The following WDFY3 variants were observed in gnomAD, a reference collection of about 807,000 sequenced individuals.
The protein encoded by WDFY3 is WD repeat and FYVE domain containing 3.
In WDFY3, 66 loss-of-function variants were observed where a neutral mutation model predicts 409.6. The observed-to-expected ratio is 0.16, with a 90% CI of 0.13 to 0.20. WDFY3 has a LOEUF of 0.20. Among genes scored for constraint, WDFY3 ranks in the 10% least tolerant of loss-of-function variants. WDFY3 has a pLI of 1.00. For missense variants in WDFY3, 3,031 were observed against 4,298.1 expected, an observed-to-expected ratio of 0.71 and a Z score of 8.24; for synonymous variants, 1,521 against 1,537.1, an observed-to-expected ratio of 0.99 and a Z score of 0.25.
intron 2 of WDFY3, among the ~76,000 whole-genome samples, chr4:84,900,974 T>C (rs890129206): frequency 2.6e-5 from 4 of 152,240 alleles, no homozygotes; most frequent in African/African-American, 9.6e-5. Context: ...CTGAGAAATC[T>C]AAGATCAAGG....
chr4:84,782,910 C>A, intron 25 of WDFY3, 53 bp downstream of exon 25: 1 of 1,573,448 alleles, frequency 6.4e-7, no homozygotes, highest in Non-Finnish European at 8.7e-7. Flanking sequence ...AAAGTGAATG[C>A]AAACTTGATG....
intron 4 of WDFY3, among the ~76,000 whole-genome samples, chr4:84,855,959 GCCACTGTCC>G (rs1759708312): frequency 6.6e-6 from 1 of 152,250 alleles, no homozygotes; most frequent in Admixed American, 6.5e-5. Flanking sequence ...GCTGTGGCTT[GCCACTGTCC>G]AGTTCTGCCA....
intron 3 of WDFY3, among the ~76,000 whole-genome samples, chr4:84,862,778 G>A (rs1760829941): frequency 6.6e-6 from 1 of 152,024 alleles, no homozygotes; most frequent in African/African-American, 2.4e-5. Context: ...ACGAGGTCAG[G>A]GGATCGAGAC....
At chr4:84,700,497 C>T (rs907963796) in intron 56 of WDFY3, among the ~76,000 whole-genome samples, 1 of 152,198 alleles carries the variant, frequency 6.6e-6, no homozygotes, top group Admixed American at 6.5e-5. Flanking sequence ...AGCCACCATG[C>T]CTGGCCCAAC....
At chr4:84,862,569 A>T (rs1001040291) in intron 3 of WDFY3, among the ~76,000 whole-genome samples, 4 of 152,246 alleles carry the variant, frequency 2.6e-5, no homozygotes, top group African/African-American at 9.6e-5. Flanking sequence ...AAATTTTATA[A>T]ATTAGCTAAC....
At chr4:84,846,088 C>G (rs1219996840) in intron 5 of WDFY3, among the ~76,000 whole-genome samples, 1 of 152,038 alleles carries the variant, frequency 6.6e-6, no homozygotes, top group Non-Finnish European at 1.5e-5. Flanking sequence ...TGTGGGGACA[C>G]AGGATAGAAG....
intron 21 of WDFY3, among the ~76,000 whole-genome samples, chr4:84,790,212 TG>T (rs1384735749): frequency 6.6e-6 from 1 of 151,908 alleles, no homozygotes; most frequent in Non-Finnish European, 1.5e-5. Flanking sequence ...TAGCCAGGTA[TG>T]GTGGCGCGCG....
At chr4:84,878,310 A>G (rs987514277) in intron 3 of WDFY3, among the ~76,000 whole-genome samples, 3 of 152,208 alleles carry the variant, frequency 2.0e-5, no homozygotes, top group African/African-American at 7.2e-5. Flanking sequence ...CTAGTGTCAT[A>G]AGAAATCATG....
At chr4:84,907,358 T>G (rs941827021) in intron 2 of WDFY3, among the ~76,000 whole-genome samples, 2 of 152,194 alleles carry the variant, frequency 1.3e-5, no homozygotes, top group Non-Finnish European at 2.9e-5. Flanking sequence ...TCTCTCAGAT[T>G]ACTTGCCCTG....
chr4:84,677,961 CAAAAAA>C (rs986393073), intron 66 of WDFY3, among the ~76,000 whole-genome samples: 5 of 21,182 alleles, frequency 2.4e-4, no homozygotes, highest in South Asian at 1.7e-3. Flanking sequence ...GACCCTGTCT[CAAAAAA>C]AAAAAAAAAA....
chr4:84,750,211 T>G (rs902236518), intron 36 of WDFY3, among the ~76,000 whole-genome samples: 4 of 152,214 alleles, frequency 2.6e-5, no homozygotes, highest in African/African-American at 9.6e-5. Context: ...TAGAGCTTTT[T>G]AAAGTTTCCA....
At chr4:84,890,618 G>T (rs912303648) in intron 3 of WDFY3, among the ~76,000 whole-genome samples, 2 of 152,164 alleles carry the variant, frequency 1.3e-5, no homozygotes, top group African/African-American at 4.8e-5. Flanking sequence ...TCTGAACTGT[G>T]TGTGGCACTG....
chr4:84,885,332 G>A (rs1429204893), intron 3 of WDFY3, among the ~76,000 whole-genome samples: 4 of 46,194 alleles, frequency 8.7e-5, no homozygotes, highest in African/African-American at 3.9e-4. Flanking sequence ...ATATACATAT[G>A]TGTGTGTGTG....
At chr4:84,776,394 A>T (rs1237704628) in intron 27 of WDFY3, among the ~76,000 whole-genome samples, 1 of 152,104 alleles carries the variant, frequency 6.6e-6, no homozygotes, top group Non-Finnish European at 1.5e-5. Flanking sequence ...GGATGCTATA[A>T]GAAGCCATAA....
At chr4:84,929,440 T>G (rs1354934774) in intron 2 of WDFY3, among the ~76,000 whole-genome samples, 1 of 151,950 alleles carries the variant, frequency 6.6e-6, no homozygotes, top group African/African-American at 2.4e-5. Flanking sequence ...TTGGGGTAAT[T>G]TGTTATGTAG....
chr4:84,740,150 C>T, intron 39 of WDFY3, 37 bp downstream of exon 39: 1 of 1,605,676 alleles, frequency 6.2e-7, no homozygotes, highest in South Asian at 1.1e-5. Context: ...ACATCAAAGC[C>T]AAATTTAACA....
chr4:84,778,891 A>G (rs570953886), intron 26 of WDFY3, among the ~76,000 whole-genome samples: 1 of 152,292 alleles, frequency 6.6e-6, no homozygotes, highest in South Asian at 2.1e-4. Context: ...ATTCTATTAA[A>G]ATATCCACTT....
chr4:84,952,309 G>T (rs1435575888), intron 1 of WDFY3, among the ~76,000 whole-genome samples: 1 of 152,106 alleles, frequency 6.6e-6, no homozygotes, highest in African/African-American at 2.4e-5. Context: ...GGAAAAAGAG[G>T]TGGAGAACAT....
At chr4:84,733,720 C>A in intron 43 of WDFY3, 111 bp from the exon 44 acceptor site, 1 of 1,014,970 alleles carries the variant, frequency 9.9e-7, no homozygotes, top group Non-Finnish European at 1.4e-6. Flanking sequence ...CAATCCACAC[C>A]ATTTCAGTTA....
Sources: allele counts gnomAD v4.1 joint callset (sites outside exome capture counted in the v4.1 genomes callset), GRCh38; gene constraint gnomAD v4.1.1; transcripts MANE v1.5; gene names NCBI Gene and HGNC (gene_info 2026-07-23, HGNC 2026-07-21).